The following BIN1 variants were observed in gnomAD, a reference collection of about 807,000 sequenced individuals.
The protein encoded by BIN1 is myc box-dependent-interacting protein 1.
A neutral mutation model predicts 82.0 loss-of-function variants in BIN1; 53 were observed. The observed-to-expected ratio is 0.65, with a 90% CI of 0.52 to 0.81. The LOEUF (loss-of-function observed/expected upper bound fraction) is 0.81. Among genes scored for constraint, BIN1 ranks in the 40% least tolerant of loss-of-function variants. BIN1 has a pLI of 0.00. For missense variants in BIN1, 642 were observed against 784.4 expected (o/e 0.82, Z 2.17); for synonymous variants, 302 against 328.0 (o/e 0.92, Z 0.86).
chr2:127,079,453 G>A (rs1283892778), intron 1 of BIN1, among the ~76,000 whole-genome samples: 1 of 152,224 alleles, frequency 6.6e-6, no homozygotes, highest in Non-Finnish European at 1.5e-5. Context: ...GACACCGCCA[G>A]CCCTCACACC....
Position 127,093,748 on chromosome 2 carries a change from C to T in BIN1, c.84+13112G>A, listed in dbSNP as rs923892765. On this transcript the variant is annotated intron_variant, in intron 1 of 18. Coordinates refer to ENST00000316724, the MANE Select transcript of BIN1 (RefSeq NM_139343.3). This position sits in a 1 kb window ranked among gnomAD's most constrained non-coding sequence, Gnocchi z 5.7. ...CTTGGAAACCTGTCTTTCGTTAGAG[C>T]GGTGTCAGCTGTGGCCCTTATGATG... 2.0e-5 allele frequency among the ~76,000 whole-genome samples: 3 copies of T among 152,240 alleles called. No homozygotes were observed. The highest frequency in any genetic ancestry group is 7.2e-5 in the African/African-American group (3 of 41,458).
At chr2:127,062,007 A>C in intron 10 of BIN1, 108 bp downstream of exon 10, 1 of 1,352,470 alleles carries the variant, frequency 7.4e-7, no homozygotes, top group Non-Finnish European at 1.0e-6. Context: ...CTAGACCCCC[A>C]AGGCCAAACC....
intron 1 of BIN1, among the ~76,000 whole-genome samples, chr2:127,095,738 C>A (rs958349270): frequency 3.3e-5 from 5 of 152,230 alleles, no homozygotes; most frequent in African/African-American, 1.2e-4. Context: ...CTGTTCTCAT[C>A]TGCCAGATGG....
At chr2:127,079,661 T>C (rs974962254) in intron 1 of BIN1, among the ~76,000 whole-genome samples, 4 of 152,220 alleles carry the variant, frequency 2.6e-5, no homozygotes, top group Admixed American at 6.5e-5. Flanking sequence ...TGTGCCTGTG[T>C]GCCTCACACC....
chr2:127,050,185 G>A (rs757208826), intron 18 of BIN1, among the ~76,000 whole-genome samples: 20 of 152,302 alleles, frequency 1.3e-4, no homozygotes, highest in Middle Eastern at 3.4e-3. Context: ...AGGAAGAAGC[G>A]GGTATGGGGA....
chr2:127,105,807 G>A (rs1681039515), intron 1 of BIN1, among the ~76,000 whole-genome samples: 1 of 152,192 alleles, frequency 6.6e-6, no homozygotes, highest in Admixed American at 6.5e-5. Context: ...GCCGCGCAGC[G>A]GGTGGGAGAG....
intron 2 of BIN1, among the ~76,000 whole-genome samples, chr2:127,072,723 C>T (rs753431): frequency 0.5 from 76,497 of 151,850 alleles, 19,357 homozygotes; most frequent in South Asian, 0.62. Flanking sequence ...CAAGGCCCAC[C>T]GATGTGAGAC....
At chr2:127,102,365 T>C (rs961973328) in intron 1 of BIN1, among the ~76,000 whole-genome samples, 2 of 151,316 alleles carry the variant, frequency 1.3e-5, no homozygotes, top group African/African-American at 4.9e-5. Flanking sequence ...GCGCAGAGAG[T>C]TCAAGCCTCA....
intron 1 of BIN1, among the ~76,000 whole-genome samples, chr2:127,106,539 G>A (rs1681152222): frequency 6.6e-6 from 1 of 152,188 alleles, no homozygotes; most frequent in Non-Finnish European, 1.5e-5. Context: ...TCCAAAGCGG[G>A]GTAGCCTGGA....
Position 127,106,882 on chromosome 2 carries a change from T to C in BIN1, c.62A>G (p.Lys21Arg). ...CACCTTCTCCTGCGCGCGGGTGAGC[T>C]TCTTCTGCACGTTGCTGGCGATCTT... is the stretch of plus-strand genomic sequence containing the variant. ...AGKIASNVQK[K>R]LTRAQEKVLQ... The change falls in exon 1 of 19, where the codon AAG becomes AGG. Residue 21 changes from lysine to arginine, a missense_variant. By Grantham distance (26) the Lys-to-Arg change is conservative (BLOSUM62 2). Coordinates refer to ENST00000316724, the MANE Select transcript of BIN1 (RefSeq NM_139343.3). 1 of 1,611,868 alleles carries C rather than the reference T, an allele frequency of 6.2e-7. No homozygotes were observed. The highest frequency in any genetic ancestry group is 8.5e-7 in the Non-Finnish European group (1 of 1,179,488).
intron 1 of BIN1, among the ~76,000 whole-genome samples, chr2:127,105,597 C>T (rs545273207): frequency 6.6e-6 from 1 of 152,202 alleles, no homozygotes; most frequent in East Asian, 1.9e-4. Context: ...CCTCCTTAGC[C>T]AGGAAACACA....
chr2:127,081,010 G>A (rs564513534), intron 1 of BIN1, among the ~76,000 whole-genome samples: 9 of 152,310 alleles, frequency 5.9e-5, no homozygotes, highest in Admixed American at 4.6e-4. Flanking sequence ...CCAGCCCTCC[G>A]CCAAGGCCTT....
chr2:127,087,635 C>T (rs766052323), intron 1 of BIN1, among the ~76,000 whole-genome samples: 20 of 152,200 alleles, frequency 1.3e-4, no homozygotes, highest in Non-Finnish European at 1.9e-4. Flanking sequence ...CAGTGCAGGA[C>T]GGACGGCAGA....
At chr2:127,064,126 C>G (rs1684857617) in intron 7 of BIN1, 108 bp from the exon 8 acceptor site, 5 of 1,312,596 alleles carry the variant, frequency 3.8e-6, no homozygotes, top group Non-Finnish European at 5.4e-6. Flanking sequence ...TGCGCTGGGA[C>G]CAGGGCTCCG....
In BIN1 at chr2:127,091,837, C is replaced by T. The variant is rs145494814; in HGVS notation, c.84+15023G>A. ...GCTTGAGCCCAGGAGTTGGAGGCTG[C>T]AGCAAGCTATGATTGTGCCATTACA... On this transcript the variant is annotated intron_variant, in intron 1 of 18. Coordinates refer to ENST00000316724, the MANE Select transcript of BIN1 (RefSeq NM_139343.3). 2.4e-3 allele frequency among the ~76,000 whole-genome samples: 359 copies of T among 152,166 alleles called. 2 individuals carry two copies. Among genetic ancestry groups the T allele is most frequent in the African/African-American group, 8.3e-3 (344 of 41,496 alleles).
At position 127,059,373 on chromosome 2, in the gene BIN1, A is replaced by G. The variant is rs1182225600; in HGVS notation, c.858-218T>C. 6.6e-6 allele frequency among the ~76,000 whole-genome samples: 1 copy of G among 151,860 alleles called. No homozygotes were observed. The highest frequency in any genetic ancestry group is 2.4e-5 in the African/African-American group (1 of 41,320). ...TGGAAGTGGGAAGCCTGCCTCAGAAACAGGAACAGCACAAGGTGGGACTCC... is the reference window on the plus strand; with the variant it reads ...TGGAAGTGGGAAGCCTGCCTCAGAAGCAGGAACAGCACAAGGTGGGACTCC... On this transcript the variant is annotated intron_variant, in intron 10 of 18. Coordinates refer to ENST00000316724, the MANE Select transcript of BIN1 (RefSeq NM_139343.3). This position sits in a 1 kb window ranked among gnomAD's most constrained non-coding sequence, Gnocchi z 6.7.
chr2:127,053,791 G>T, intron 13 of BIN1, 114 bp downstream of exon 13: 1 of 1,032,756 alleles, frequency 9.7e-7, no homozygotes. Flanking sequence ...GAGGTGCCAG[G>T]GGAAGGGCAG....
chr2:127,078,192 C>T (rs532505768), intron 1 of BIN1, among the ~76,000 whole-genome samples: 5 of 152,302 alleles, frequency 3.3e-5, no homozygotes, highest in East Asian at 3.9e-4. Flanking sequence ...CTTCCCCCCC[C>T]AGCCAGGCCC....
At chr2:127,054,035 G>A (rs1306776858) in intron 12 of BIN1, 23 bp from the exon 13 acceptor site, 34 of 1,546,646 alleles carry the variant, frequency 2.2e-5, no homozygotes, top group Non-Finnish European at 2.7e-5. Context: ...AGCAGCAGCA[G>A]AGGAGGAAGC....
Sources: gnomAD v4.1 joint callset for allele counts (sites outside exome capture counted in the v4.1 genomes callset) on GRCh38, gnomAD v4.1.1 for gene constraint, Gnocchi (gnomAD v3.1) non-coding constraint, MANE v1.5 for transcripts, NCBI Gene and HGNC (gene_info 2026-07-23, HGNC 2026-07-21) for gene names.